Variants in PPM1L observed in about 807,000 individuals in gnomAD.
PPM1L encodes the protein protein phosphatase 1L.
PPM1L carries 13 observed loss-of-function variants against 31.4 expected under a neutral mutation model. That is an observed-to-expected ratio of 0.41 (90% CI 0.27 to 0.66). The LOEUF (loss-of-function observed/expected upper bound fraction) is 0.66. Among genes scored for constraint, PPM1L ranks in the 30% least tolerant of loss-of-function variants. The probability of loss-of-function intolerance (pLI) is 0.29; values close to 1 mark genes in which losing one functional copy is unlikely to be tolerated. For missense variants in PPM1L, 326 were observed against 453.7 expected (o/e 0.72, Z 2.56); for synonymous variants, 184 against 175.4 (o/e 1.05, Z -0.39).
intron 2 of PPM1L, among the ~76,000 whole-genome samples, chr3:161,031,518 TGAGA>T (rs1397009225): frequency 1.3e-5 from 2 of 149,520 alleles, no homozygotes; most frequent in African/African-American, 2.5e-5. Flanking sequence ...TTTTTTTTTT[TGAGA>T]GAGAGTCTCA....
chr3:160,987,413 A>C (rs138153628), intron 2 of PPM1L, among the ~76,000 whole-genome samples: 256 of 152,298 alleles, frequency 1.7e-3, no homozygotes, highest in Middle Eastern at 3.4e-3. Flanking sequence ...AACAAGAACT[A>C]TACGTGAAAA....
intron 2 of PPM1L, among the ~76,000 whole-genome samples, chr3:161,060,099 AAT>A (rs780665715): frequency 2.0e-5 from 3 of 152,278 alleles, no homozygotes; most frequent in South Asian, 4.1e-4. Context: ...TAAATAAATA[AAT>A]AGTCTAAATA....
intron 1 of PPM1L, among the ~76,000 whole-genome samples, chr3:160,766,747 T>G (rs1416048119): frequency 2.0e-5 from 3 of 151,754 alleles, no homozygotes; most frequent in Non-Finnish European, 4.4e-5. Context: ...TCTGGAGGTT[T>G]TTTTTTTTTT....
At chr3:161,028,161 G>C (rs1718463630) in intron 2 of PPM1L, among the ~76,000 whole-genome samples, 1 of 152,166 alleles carries the variant, frequency 6.6e-6, no homozygotes, top group African/African-American at 2.4e-5. Flanking sequence ...GGCTTACCGG[G>C]TGATTTGCTA....
chr3:160,819,875 G>A (rs956978917), intron 1 of PPM1L, among the ~76,000 whole-genome samples: 5 of 151,804 alleles, frequency 3.3e-5, no homozygotes, highest in Admixed American at 2.6e-4. Flanking sequence ...CATATTTTTT[G>A]CTCCATGACA....
chr3:161,077,092 A>C lies in PPM1L; in HGVS notation c.*7935A>C, dbSNP rs1324828562. The C allele has an allele frequency of 6.6e-6, 1 of 152,206 alleles. No individual in the cohort carries two copies. Among genetic ancestry groups the C allele is most frequent in the African/African-American group, 2.4e-5 (1 of 41,452 alleles). 9.4% of individuals were successfully genotyped at this position (152,206 alleles called of 1,614,324 possible). On this transcript the variant is annotated 3_prime_UTR_variant, in exon 4 of 4. Transcript: ENST00000498165. ...GGGGCTTACACCCTATTGGGGTGTC[A>C]GAGATATTATAACACTCAATATTGA... is the stretch of plus-strand genomic sequence containing the variant.
At chr3:160,986,150 C>T (rs1327210579) in intron 2 of PPM1L, among the ~76,000 whole-genome samples, 1 of 152,218 alleles carries the variant, frequency 6.6e-6, no homozygotes, top group East Asian at 1.9e-4. Context: ...GGCTGTCGAA[C>T]TATGGAAAGC....
Position 161,063,214 on chromosome 3 carries a change from T to TA in PPM1L, c.575-2179dup, listed in dbSNP as rs992915996. 6.8e-3 allele frequency among the ~76,000 whole-genome samples: 1,019 copies of TA among 150,300 alleles called. 11 individuals are homozygous for TA. Among genetic ancestry groups the TA allele is most frequent in the African/African-American group, 0.022 (891 of 41,084 alleles). On this transcript the variant is annotated intron_variant, in intron 2 of 3. Coordinates refer to ENST00000498165, the MANE Select transcript of PPM1L (RefSeq NM_139245.4). The stretch of plus-strand genomic sequence containing the variant: ...AATACCAAAATTTCAGTTTCCAATA[T>TA]AAAAAAAAAATCAAAAACTGGTAAC...
At chr3:160,833,679 T>C (rs1018838397) in intron 1 of PPM1L, among the ~76,000 whole-genome samples, 2 of 152,162 alleles carry the variant, frequency 1.3e-5, no homozygotes, top group Admixed American at 1.3e-4. Context: ...TATTAGACCT[T>C]TGTTAGGTAG....
At chr3:160,813,269 CTAGTT>C (rs773036779) in intron 1 of PPM1L, among the ~76,000 whole-genome samples, 227 of 152,252 alleles carry the variant, frequency 1.5e-3, no homozygotes, top group Admixed American at 3.5e-3. Flanking sequence ...ACAGCTATCT[CTAGTT>C]AAGTTTTAAT....
intron 1 of PPM1L, among the ~76,000 whole-genome samples, chr3:160,875,450 A>G (rs1374777657): frequency 1.3e-5 from 2 of 152,234 alleles, no homozygotes; most frequent in Admixed American, 1.3e-4. Flanking sequence ...CCCCTGTGCA[A>G]ATAAGTCTCT....
At chr3:161,033,127 C>T (rs561916653) in intron 2 of PPM1L, among the ~76,000 whole-genome samples, 2 of 152,190 alleles carry the variant, frequency 1.3e-5, no homozygotes, top group East Asian at 3.9e-4. Flanking sequence ...AGGAATACAA[C>T]TTACAAGGGA....
chr3:160,786,349 C>T (rs1342927762), intron 1 of PPM1L, among the ~76,000 whole-genome samples: 1 of 149,054 alleles, frequency 6.7e-6, no homozygotes, highest in Non-Finnish European at 1.5e-5. Flanking sequence ...TCCCAAGTAG[C>T]TGGGATTACA....
intron 1 of PPM1L, among the ~76,000 whole-genome samples, chr3:160,791,088 G>T (rs572915796): frequency 1.3e-5 from 2 of 152,172 alleles, no homozygotes; most frequent in South Asian, 4.1e-4. Flanking sequence ...TGCCAAACTC[G>T]ATTAGCACTA....
rs1720114077 is a variant in PPM1L, at chr3:161,076,815, T to C, written c.*7658T>C. The C allele has an allele frequency of 6.6e-6, 1 of 152,218 alleles. No individual in the cohort carries two copies. Among genetic ancestry groups the C allele is most frequent in the Admixed American group, 6.5e-5 (1 of 15,284 alleles). The allele number at this position is 152,218 out of a possible 1,614,324, so 9.4% of individuals were successfully genotyped here. On this transcript the variant is annotated 3_prime_UTR_variant, in exon 4 of 4. Coordinates refer to ENST00000498165, the MANE Select transcript of PPM1L (RefSeq NM_139245.4). ...TTCCAAAAGACCCCAATGTAAACTC[T>C]GCTCACATACATAATTTGTATAAGG...
At chr3:160,809,048 G>A (rs1336761964) in intron 1 of PPM1L, among the ~76,000 whole-genome samples, 2 of 152,188 alleles carry the variant, frequency 1.3e-5, no homozygotes, top group East Asian at 3.9e-4. Context: ...GCTGCCAGGT[G>A]CTAATGTCAC....
intron 2 of PPM1L, among the ~76,000 whole-genome samples, chr3:160,963,537 G>A (rs558176355): frequency 2.3e-3 from 353 of 152,222 alleles, no homozygotes; most frequent in African/African-American, 8.3e-3. Flanking sequence ...CGTTATTAAA[G>A]TTAAGATGAA....
chr3:160,960,556 TTTTGTGTGTG>T (rs1331072938), intron 1 of PPM1L, among the ~76,000 whole-genome samples: 6 of 100,224 alleles, frequency 6.0e-5, no homozygotes, highest in South Asian at 3.8e-4. Flanking sequence ...TTTTTAGCAG[TTTTGTGTGTG>T]TGTGTGTGTG....
chr3:160,971,706 G>T (rs532204179), intron 2 of PPM1L, among the ~76,000 whole-genome samples: 4 of 152,146 alleles, frequency 2.6e-5, no homozygotes, highest in Non-Finnish European at 5.9e-5. Context: ...TGTAACTGTG[G>T]TTATATGTTG....
Sources: gnomAD v4.1 joint callset for allele counts (sites outside exome capture counted in the v4.1 genomes callset) on GRCh38, gnomAD v4.1.1 for gene constraint, MANE v1.5 for transcripts, NCBI Gene and HGNC (gene_info 2026-07-23, HGNC 2026-07-21) for gene names.